The following PTPN18 variants were observed in gnomAD, a reference collection of about 807,000 sequenced individuals.
PTPN18 encodes the protein tyrosine-protein phosphatase non-receptor type 18.
PTPN18 carries 65 observed loss-of-function variants against 65.4 expected under a neutral mutation model. The observed-to-expected ratio is 0.99, with a 90% CI of 0.81 to 1.22. The LOEUF is 1.22. Among genes scored for constraint, PTPN18 ranks in the 50% most tolerant of loss-of-function variants. The pLI is 0.00. For missense variants in PTPN18, 616 were observed against 646.5 expected, an observed-to-expected ratio of 0.95 and a Z score of 0.51; for synonymous variants, 255 against 267.8, an observed-to-expected ratio of 0.95 and a Z score of 0.47.
At chr2:130,359,374 G>A in intron 3 of PTPN18, 23 bp from the exon 4 acceptor site, 1 of 1,614,166 alleles carries the variant, frequency 6.2e-7, no homozygotes, top group Non-Finnish European at 8.5e-7. Flanking sequence ...CAGAATCTCA[G>A]TCGTGAATTC....
chr2:130,372,235 T>A, intron 12 of PTPN18, 22 bp from the exon 13 acceptor site: 1 of 1,562,810 alleles, frequency 6.4e-7, no homozygotes, highest in Non-Finnish European at 8.6e-7. Context: ...TTTCACTTCC[T>A]CCCGGCCCTC....
chr2:130,369,972 G>A (rs1680500436), intron 7 of PTPN18, 76 bp from the exon 8 acceptor site: 1 of 1,583,486 alleles, frequency 6.3e-7, no homozygotes, highest in Non-Finnish European at 8.7e-7. Flanking sequence ...AGTGGGCCTG[G>A]TGTATAGTAG....
intron 1 of PTPN18, chr2:130,356,567 T>G (rs1382692436): frequency 2.0e-6 from 1 of 490,878 alleles, no homozygotes; most frequent in African/African-American, 2.0e-5. Flanking sequence ...GCCCCGCCGC[T>G]TCTGGCGACC....
chr2:130,362,597 G>A (rs1209795591), intron 5 of PTPN18, among the ~76,000 whole-genome samples: 2 of 151,906 alleles, frequency 1.3e-5, no homozygotes, highest in Non-Finnish European at 2.9e-5. Context: ...CTTTACTGTA[G>A]TATATTTCGA....
Position 130,359,616 on chromosome 2 carries a change from G to C in PTPN18, c.384G>C (p.Leu128=), listed in dbSNP as rs755558647. The C allele has an allele frequency of 6.2e-7, 1 of 1,614,096 alleles. No individual in the cohort carries two copies. Among genetic ancestry groups the C allele is most frequent in the Non-Finnish European group, 8.5e-7 (1 of 1,180,014 alleles). ...TGACCCTCCTTGTCTAGGTGATCCT[G>C]ATGGCCTGTCGAGAGATAGAGAATG... ...LVWEFGVKVI[L]MACREIENGR... Residue 128 remains leucine (L), a synonymous_variant, in exon 5 of 15, where the codon CTG becomes CTC. Coordinates refer to ENST00000175756, the MANE Select transcript of PTPN18 (RefSeq NM_014369.4).
Position 130,372,467 on chromosome 2 carries a change from G to T in PTPN18, c.1224G>T (p.Gly408=). The change falls in exon 13 of 15, where the codon GGG becomes GGT. Residue 408 remains glycine (G), a synonymous_variant. Transcript: ENST00000175756. ...GGGCGCACGCGGAGGACGCGAGGGG[G>T]ACGCTGCCTGGCCGCGGTGAGTCGA... ...RPGAHAEDAR[G]TLPGRVPADQ... 2 of 1,373,598 alleles carry T rather than the reference G, an allele frequency of 1.5e-6. No individual in the cohort carries two copies. Among genetic ancestry groups the T allele is most frequent in the Non-Finnish European group, 1.9e-6 (2 of 1,071,046 alleles). 85.1% of individuals were successfully genotyped at this position (1,373,598 alleles called of 1,614,324 possible).
chr2:130,373,295 C>A lies in PTPN18; in HGVS notation c.*71C>A. On this transcript the variant is annotated 3_prime_UTR_variant, in exon 15 of 15. Transcript: ENST00000175756. This position sits in a 1 kb window ranked among gnomAD's most constrained non-coding sequence, Gnocchi z 4.1. ...CTGATGCCCCGGTGCTGCTGAGCGC[C>A]GTGCGCAGAATGGAAACAGTGGGCC... is the stretch of plus-strand genomic sequence containing the variant. The A allele has an allele frequency of 7.2e-7, 1 of 1,397,722 alleles. No homozygotes were observed. The highest frequency in any genetic ancestry group is 1.4e-5 in the South Asian group (1 of 68,974). 86.6% of individuals were successfully genotyped at this position (1,397,722 alleles called of 1,614,324 possible). A position where few individuals can be genotyped will look rare whatever the true frequency, so the allele number is the denominator to read the frequency against.
chr2:130,360,521 C>G (rs1680158195), intron 5 of PTPN18, among the ~76,000 whole-genome samples: 1 of 152,226 alleles, frequency 6.6e-6, no homozygotes, highest in Non-Finnish European at 1.5e-5. Context: ...CTCTCTCTCT[C>G]TGTCTCATCT....
intron 5 of PTPN18, 79 bp from the exon 6 acceptor site, chr2:130,369,054 G>A (rs983753614): frequency 3.7e-5 from 47 of 1,260,758 alleles, no homozygotes; most frequent in Non-Finnish European, 5.3e-5. Context: ...CACCTGGGGT[G>A]TCTTGTGGCA....
Position 130,356,210 on chromosome 2 carries a change from A to T in PTPN18, c.93+10A>T, listed in dbSNP as rs567270188. 3 of 1,321,688 alleles carry T rather than the reference A, an allele frequency of 2.3e-6. No individual in the cohort carries two copies. The African/African-American group carries it at 4.7e-5, about 21-fold the overall frequency. 81.9% of individuals were successfully genotyped at this position (1,321,688 alleles called of 1,614,324 possible). The stretch of plus-strand genomic sequence containing the variant: ...CGCCGGCGAGTTCAGCGTGAGTGGC[A>T]CACGGGGTCCGCGAGCGGCGCGCCC... On this transcript the variant is annotated intron_variant, in intron 1 of 14. Transcript: ENST00000175756.
rs1214625437 is a variant in PTPN18 at position 130,374,415 on chromosome 2, G to C, written c.*1191G>C. On this transcript the variant is annotated 3_prime_UTR_variant, in exon 15 of 15. Coordinates refer to ENST00000175756, the MANE Select transcript of PTPN18 (RefSeq NM_014369.4). ...ACTCCCAACCTCAAGCAATCCTCCT[G>C]CCTCAGCCTCCCAAAGTGCTGAGAT... The C allele has an allele frequency of 1.4e-5, 4 of 295,866 alleles. No homozygotes were observed. Among genetic ancestry groups the C allele is most frequent in the African/African-American group, 2.2e-5 (1 of 45,702 alleles). 18.3% of individuals were successfully genotyped at this position (295,866 alleles called of 1,614,324 possible).
intron 12 of PTPN18, 160 bp from the exon 13 acceptor site, chr2:130,372,097 G>A: frequency 1.6e-6 from 1 of 622,326 alleles, no homozygotes. Flanking sequence ...AGGGCGCTAG[G>A]GACACAGAAG....
intron 5 of PTPN18, 161 bp downstream of exon 5, chr2:130,359,807 T>A (rs1413239859): frequency 2.3e-6 from 2 of 876,894 alleles, no homozygotes; most frequent in Non-Finnish European, 3.5e-6. Flanking sequence ...TTTGTTGATA[T>A]GTTATTCATC....
chr2:130,356,873 G>A (rs1375396112), intron 1 of PTPN18, among the ~76,000 whole-genome samples: 1 of 152,196 alleles, frequency 6.6e-6, no homozygotes, highest in East Asian at 1.9e-4. Flanking sequence ...CACTTCGTAG[G>A]GGCGTTCGTC....
chr2:130,361,024 G>A (rs537753754), intron 5 of PTPN18, among the ~76,000 whole-genome samples: 5 of 152,244 alleles, frequency 3.3e-5, no homozygotes, highest in Admixed American at 3.3e-4. Flanking sequence ...AATTTCAAGT[G>A]TACTTGAAAA....
At chr2:130,369,619 G>T in intron 6 of PTPN18, 146 bp from the exon 7 acceptor site, 1 of 819,266 alleles carries the variant, frequency 1.2e-6, no homozygotes, top group Admixed American at 3.2e-5. Context: ...GAAAGCTTTG[G>T]GGAAAGTTTG....
intron 1 of PTPN18, among the ~76,000 whole-genome samples, chr2:130,358,594 G>A (rs1430285981): frequency 1.3e-5 from 2 of 152,058 alleles, no homozygotes; most frequent in African/African-American, 4.8e-5. Context: ...AAACTTTCCC[G>A]CCTGCACAAT....
chr2:130,369,284 C>T, intron 6 of PTPN18, 83 bp downstream of exon 6: 1 of 1,262,040 alleles, frequency 7.9e-7, no homozygotes, highest in Non-Finnish European at 1.1e-6. Flanking sequence ...ATTTAACCCA[C>T]AGTCCACTCA....
chr2:130,359,762 T>A, intron 5 of PTPN18, 116 bp downstream of exon 5: 1 of 1,258,604 alleles, frequency 7.9e-7, no homozygotes, highest in Non-Finnish European at 1.1e-6. Context: ...GACCTTATTG[T>A]AGCTCTGTGG....
Sources: gnomAD v4.1 joint callset for allele counts (sites outside exome capture counted in the v4.1 genomes callset) on GRCh38, gnomAD v4.1.1 for gene constraint, Gnocchi (gnomAD v3.1) non-coding constraint, MANE v1.5 for transcripts, NCBI Gene and HGNC (gene_info 2026-07-23, HGNC 2026-07-21) for gene names.